EMP1: variants seen among roughly 807,000 people sequenced by gnomAD.
The protein encoded by EMP1 is epithelial membrane protein 1.
EMP1 carries 5 observed loss-of-function variants against 15.7 expected under a neutral mutation model. The ratio of observed to expected loss-of-function variants is 0.32; its 90% CI spans 0.17 to 0.67. EMP1 has a LOEUF of 0.67. EMP1 is among the 30% of genes least tolerant of loss of function. The pLI is 0.74. For synonymous variants in EMP1, 78 were observed against 76.7 expected, an observed-to-expected ratio of 1.02 and a Z score of -0.09; for missense variants, 166 against 194.2, an observed-to-expected ratio of 0.85 and a Z score of 0.86.
intron 1 of EMP1, among the ~76,000 whole-genome samples, chr12:13,205,820 T>A (rs1013264950): frequency 1.3e-5 from 2 of 152,222 alleles, no homozygotes; most frequent in African/African-American, 4.8e-5. Flanking sequence ...TGAAAAGAAT[T>A]TGATAGACTG....
intron 1 of EMP1, among the ~76,000 whole-genome samples, chr12:13,202,772 AG>A (rs1455986557): frequency 6.6e-6 from 1 of 152,092 alleles, no homozygotes; most frequent in Non-Finnish European, 1.5e-5. Context: ...CACAGTTTTA[AG>A]GGGTATATGC....
In EMP1 at chr12:13,199,961, CTTCT is replaced by C. The variant is rs1382848286; in HGVS notation, c.-43+3092_-43+3095del. On this transcript the variant is annotated intron_variant, in intron 1 of 4. Coordinates refer to ENST00000256951, the MANE Select transcript of EMP1 (RefSeq NM_001423.3). ...ATTATCTTTTCTTCTTCTTCTTCTT[CTTCT>C]TTTTTTTTTTTTTTTTGCCTAAGGC... Among the ~76,000 whole-genome samples, 15 of 117,760 alleles carry C rather than the reference CTTCT, an allele frequency of 1.3e-4. No homozygotes were observed. The South Asian group carries it at 1.5e-3, about 12-fold the overall frequency. 77.3% of individuals were successfully genotyped at this position (117,760 alleles called of 152,430 possible).
At position 13,211,842 on chromosome 12, in the gene EMP1, C is replaced by T. The variant is rs562217820; in HGVS notation, c.78+254C>T. 7.6e-5 allele frequency: 37 copies of T among 486,070 alleles called. No homozygotes were observed. Among genetic ancestry groups the T allele is most frequent in the African/African-American group, 6.1e-4 (31 of 51,096 alleles). 30.1% of individuals were successfully genotyped at this position (486,070 alleles called of 1,614,324 possible). Reference sequence around the variant, plus strand: ...GAGGATCTAGTGCAGCTTCTTCGGTCTCTAGAAGAGCCTTCCCAGCAGCAG... The same window carrying T: ...GAGGATCTAGTGCAGCTTCTTCGGTTTCTAGAAGAGCCTTCCCAGCAGCAG... On this transcript the variant is annotated intron_variant, in intron 2 of 4. Transcript: ENST00000256951. The surrounding 1 kb of genome is among the most constrained non-coding windows in gnomAD (Gnocchi z 4.7).
Position 13,204,095 on chromosome 12 carries a change from T to A in EMP1, c.-43+7223T>A, listed in dbSNP as rs529692360. On this transcript the variant is annotated intron_variant, in intron 1 of 4. Transcript: ENST00000256951. ...GTCCCTGTTACTTTTGCTGCTTGAT[T>A]GACGATGTTTCTCCTGGTTGTAAAA... Among the ~76,000 whole-genome samples, 14 of 152,314 alleles carry A rather than the reference T, an allele frequency of 9.2e-5. No homozygotes were observed. In the East Asian group the frequency reaches 2.5e-3, roughly 27 times the overall value.
chr12:13,216,342 T>C lies in EMP1; in HGVS notation c.*1651T>C, dbSNP rs1408772616. ...TTTATGTAAAAGGATTATTACTAAT[T>C]CTATTTCTCTATGTTTATTCTAGTT... On this transcript the variant is annotated 3_prime_UTR_variant, in exon 5 of 5. Coordinates refer to ENST00000256951, the MANE Select transcript of EMP1 (RefSeq NM_001423.3). 2 of 700,922 alleles carry C rather than the reference T, an allele frequency of 2.9e-6. No homozygotes were observed. Among genetic ancestry groups the C allele is most frequent in the Non-Finnish European group, 5.2e-6 (2 of 384,284 alleles). The allele number at this position is 700,922 out of a possible 1,614,324, so 43.4% of individuals were successfully genotyped here. A position where few individuals can be genotyped will look rare whatever the true frequency, so the allele number is the denominator to read the frequency against.
At chr12:13,201,457 G>A (rs1381408803) in intron 1 of EMP1, among the ~76,000 whole-genome samples, 6 of 151,908 alleles carry the variant, frequency 3.9e-5, no homozygotes, top group South Asian at 2.1e-4. Context: ...CCAAAAAAAC[G>A]AAAAACAAAA....
intron 1 of EMP1, among the ~76,000 whole-genome samples, chr12:13,205,911 C>T (rs964848086): frequency 6.6e-5 from 10 of 152,230 alleles, no homozygotes; most frequent in Admixed American, 1.3e-4. Flanking sequence ...GCTTGAGGTG[C>T]GTGGAGCCTC....
Position 13,214,856 on chromosome 12 carries a change from T to C in EMP1, c.*165T>C. 3.3e-6 allele frequency: 2 copies of C among 605,222 alleles called. No homozygotes were observed. Among genetic ancestry groups the C allele is most frequent in the Non-Finnish European group, 5.6e-6 (2 of 359,454 alleles). The allele number at this position is 605,222 out of a possible 1,614,324, so 37.5% of individuals were successfully genotyped here. A position where few individuals can be genotyped will look rare whatever the true frequency, so the allele number is the denominator to read the frequency against. The stretch of plus-strand genomic sequence containing the variant: ...AACCATTACTGAGGGGATTCTCTAC[T>C]GCCAAGCCCCTGCCCTGGGGAGAAA... On this transcript the variant is annotated 3_prime_UTR_variant, in exon 5 of 5. Coordinates refer to ENST00000256951, the MANE Select transcript of EMP1 (RefSeq NM_001423.3).
At position 13,219,383 on chromosome 12, in the gene EMP1, C is replaced by A. The variant is rs1010081363; in HGVS notation, c.*4692C>A. On this transcript the variant is annotated 3_prime_UTR_variant, in exon 5 of 5. Coordinates refer to ENST00000256951, the MANE Select transcript of EMP1 (RefSeq NM_001423.3). ...TGGACTTAATCGTCCACATCACTGT[C>A]AGCATTTTGGTTAAAACCATTCAAC... 32 of 152,218 alleles carry A rather than the reference C, an allele frequency of 2.1e-4. No homozygotes were observed. The highest frequency in any genetic ancestry group is 7.0e-4 in the African/African-American group (29 of 41,458). 9.4% of individuals were successfully genotyped at this position (152,218 alleles called of 1,614,324 possible).
chr12:13,219,742 G>A lies in EMP1; in HGVS notation c.*5051G>A, dbSNP rs1248938162. 1 of 152,168 alleles carries A rather than the reference G, an allele frequency of 6.6e-6. No individual in the cohort carries two copies. Among genetic ancestry groups the A allele is most frequent in the Non-Finnish European group, 1.5e-5 (1 of 68,042 alleles). 9.4% of individuals were successfully genotyped at this position (152,168 alleles called of 1,614,324 possible). A position where few individuals can be genotyped will look rare whatever the true frequency, so the allele number is the denominator to read the frequency against. Reference sequence around the variant, plus strand: ...AGATTAATTAAACAACAGTGGATGGGGAGGAAGAACAGACTTTTGAGCTCT... The same window carrying A: ...AGATTAATTAAACAACAGTGGATGGAGAGGAAGAACAGACTTTTGAGCTCT... On this transcript the variant is annotated 3_prime_UTR_variant, in exon 5 of 5. Coordinates refer to ENST00000256951, the MANE Select transcript of EMP1 (RefSeq NM_001423.3).
At chr12:13,204,698 C>T (rs1056471708) in intron 1 of EMP1, among the ~76,000 whole-genome samples, 1 of 152,188 alleles carries the variant, frequency 6.6e-6, no homozygotes, top group Non-Finnish European at 1.5e-5. Context: ...ACGCCTCTCT[C>T]TCTCCTCGTG....
intron 1 of EMP1, among the ~76,000 whole-genome samples, chr12:13,200,616 C>T (rs775017221): frequency 6.6e-6 from 1 of 152,262 alleles, no homozygotes; most frequent in African/African-American, 2.4e-5. Flanking sequence ...GACATACACA[C>T]GTCCTGAGAC....
chr12:13,213,278 T>A lies in EMP1; in HGVS notation c.79-201T>A, dbSNP rs181041313. On this transcript the variant is annotated intron_variant, in intron 2 of 4. Transcript: ENST00000256951. The stretch of plus-strand genomic sequence containing the variant: ...TTTCTTTCTGGGTTTCACATTCTTC[T>A]GTGTCTCTTCTCTTGGCAACTTTGT... The A allele has an allele frequency of 1.8e-5, 11 of 596,508 alleles. No individual in the cohort carries two copies. In the East Asian group the frequency reaches 3.1e-4, roughly 17 times the overall value. 37.0% of individuals were successfully genotyped at this position (596,508 alleles called of 1,614,324 possible).
intron 1 of EMP1, among the ~76,000 whole-genome samples, chr12:13,199,775 G>A (rs1177871160): frequency 6.6e-6 from 1 of 152,038 alleles, no homozygotes; most frequent in Non-Finnish European, 1.5e-5. Context: ...CTTAAATCAA[G>A]CAAAATCAAC....
chr12:13,212,705 G>A (rs1376726557), intron 2 of EMP1, among the ~76,000 whole-genome samples: 3 of 152,248 alleles, frequency 2.0e-5, no homozygotes, highest in South Asian at 4.1e-4. Context: ...GCAGGGATTG[G>A]CGTAGGTGAT....
intron 2 of EMP1, among the ~76,000 whole-genome samples, chr12:13,212,214 A>G (rs1237371266): frequency 1.3e-5 from 2 of 151,676 alleles, no homozygotes; most frequent in African/African-American, 4.8e-5. Context: ...CAAAACGAGA[A>G]AAAAAAAATG....
Position 13,217,035 on chromosome 12 carries a change from G to T in EMP1, c.*2344G>T, listed in dbSNP as rs1451833048. ...TCATAAGCTAATACATTAGAAAGGG[G>T]TTATGATTATAAATCAGAAATGCTT... On this transcript the variant is annotated 3_prime_UTR_variant, in exon 5 of 5. Transcript: ENST00000256951. The T allele has an allele frequency of 6.6e-6, 1 of 152,244 alleles. No homozygotes were observed. Among genetic ancestry groups the T allele is most frequent in the Admixed American group, 6.5e-5 (1 of 15,282 alleles). The allele number at this position is 152,244 out of a possible 1,614,324, so 9.4% of individuals were successfully genotyped here.
intron 1 of EMP1, among the ~76,000 whole-genome samples, chr12:13,197,356 A>G (rs1370147649): frequency 6.6e-6 from 1 of 152,204 alleles, no homozygotes; most frequent in Non-Finnish European, 1.5e-5. Flanking sequence ...TGGTGGATAG[A>G]TAACTGGTTT....
At chr12:13,200,866 C>T (rs968758762) in intron 1 of EMP1, among the ~76,000 whole-genome samples, 3 of 152,186 alleles carry the variant, frequency 2.0e-5, no homozygotes, top group African/African-American at 4.8e-5. Flanking sequence ...CTTGGACTTA[C>T]GTGGCTGTGA....
Sources: gnomAD v4.1 joint callset for allele counts (sites outside exome capture counted in the v4.1 genomes callset) on GRCh38, gnomAD v4.1.1 for gene constraint, Gnocchi (gnomAD v3.1) non-coding constraint, MANE v1.5 for transcripts, NCBI Gene and HGNC (gene_info 2026-07-23, HGNC 2026-07-21) for gene names.